Variants in PPFIA2 observed in about 807,000 individuals in gnomAD.
PPFIA2 encodes the protein liprin-alpha-2.
PPFIA2 carries 46 observed loss-of-function variants against 175.5 expected under a neutral mutation model. The observed-to-expected ratio is 0.26, with a 90% CI of 0.21 to 0.34. PPFIA2 has a LOEUF of 0.34. PPFIA2 is among the 10% of genes least tolerant of loss of function. The pLI is 1.00. For missense variants in PPFIA2, 1,179 were observed against 1,506.1 expected, an observed-to-expected ratio of 0.78 and a Z score of 3.60; for synonymous variants, 568 against 511.4, an observed-to-expected ratio of 1.11 and a Z score of -1.49.
At chr12:81,735,813 A>G (rs908380561) in intron 3 of PPFIA2, among the ~76,000 whole-genome samples, 6 of 151,878 alleles carry the variant, frequency 4.0e-5, no homozygotes, top group Non-Finnish European at 5.9e-5. Context: ...ATAGCCAATC[A>G]TCCTAGCCTA....
At chr12:81,429,444 A>G (rs2047716817) in intron 7 of PPFIA2, among the ~76,000 whole-genome samples, 1 of 152,038 alleles carries the variant, frequency 6.6e-6, no homozygotes, top group Non-Finnish European at 1.5e-5. Context: ...TAATTTTTCA[A>G]ATAAACGATC....
chr12:81,608,516 T>C (rs1430816760), intron 4 of PPFIA2, among the ~76,000 whole-genome samples: 1 of 152,116 alleles, frequency 6.6e-6, no homozygotes, highest in Non-Finnish European at 1.5e-5. Flanking sequence ...CCTGATTCAA[T>C]CTTGGGAAAT....
intron 8 of PPFIA2, among the ~76,000 whole-genome samples, chr12:81,397,971 T>C (rs750740321): frequency 2.0e-5 from 3 of 151,972 alleles, no homozygotes; most frequent in Non-Finnish European, 4.4e-5. Flanking sequence ...GACAGGACCA[T>C]CTAGTTGCAG....
intron 5 of PPFIA2, among the ~76,000 whole-genome samples, chr12:81,449,497 A>C (rs1566881517): frequency 6.6e-6 from 1 of 151,888 alleles, no homozygotes; most frequent in African/African-American, 2.4e-5. Flanking sequence ...ACAAAAAAAA[A>C]AAAACAAAAA....
At chr12:81,590,167 G>A (rs2058507523) in intron 4 of PPFIA2, among the ~76,000 whole-genome samples, 1 of 152,070 alleles carries the variant, frequency 6.6e-6, no homozygotes, top group Non-Finnish European at 1.5e-5. Flanking sequence ...TTGCAGCTAA[G>A]AGGTATTTTG....
At chr12:81,277,485 G>A in intron 27 of PPFIA2, 71 bp from the exon 28 acceptor site, 1 of 1,413,026 alleles carries the variant, frequency 7.1e-7, no homozygotes, top group Non-Finnish European at 9.2e-7. Flanking sequence ...TTTGTGATTA[G>A]CCATAGTCAA....
chr12:81,546,246 C>A (rs1184598655), intron 4 of PPFIA2: 1 of 151,928 alleles, frequency 6.6e-6, no homozygotes, highest in Non-Finnish European at 1.5e-5. Context: ...TTCCAAGCCA[C>A]AGGAACCTCT....
chr12:81,660,911 G>T (rs1037803964), intron 4 of PPFIA2, among the ~76,000 whole-genome samples: 2 of 152,106 alleles, frequency 1.3e-5, no homozygotes, highest in African/African-American at 4.8e-5. Context: ...TTAAAGAAAA[G>T]AATTTTCAAC....
At chr12:81,705,083 T>TAG (rs2076952329) in intron 3 of PPFIA2, among the ~76,000 whole-genome samples, 1 of 32,356 alleles carries the variant, frequency 3.1e-5, no homozygotes, top group Non-Finnish European at 5.1e-5. Context: ...AAACTCTGTC[T>TAG]AAAAAAAAAA....
At position 81,284,230 on chromosome 12, in the gene PPFIA2, T is replaced by C. The variant is rs112551088; in HGVS notation, c.2988+11A>G. 6.4e-7 allele frequency: 1 copy of C among 1,561,720 alleles called. No homozygotes were observed. Among genetic ancestry groups the C allele is most frequent in the East Asian group, 2.2e-5 (1 of 44,488 alleles). On this transcript the variant is annotated intron_variant, in intron 25 of 32. Coordinates refer to ENST00000549396, the MANE Select transcript of PPFIA2 (RefSeq NM_003625.5). ...CTTTCCTTCAGGTTCAACAAAGCCA[T>C]TAAGACTAACCGTTTTTGCTGGAGC...
At chr12:81,355,638 A>T (rs1469524143) in intron 16 of PPFIA2, among the ~76,000 whole-genome samples, 1 of 152,178 alleles carries the variant, frequency 6.6e-6, no homozygotes, top group Non-Finnish European at 1.5e-5. Flanking sequence ...ATAACTTTTA[A>T]CAGCTTCTCC....
At chr12:81,654,050 C>CA (rs1022116519) in intron 4 of PPFIA2, among the ~76,000 whole-genome samples, 1 of 147,028 alleles carries the variant, frequency 6.8e-6, no homozygotes, top group Admixed American at 6.8e-5. Context: ...GGCATATACT[C>CA]AAAAAAAGCC....
intron 8 of PPFIA2, among the ~76,000 whole-genome samples, chr12:81,396,694 T>C (rs1382663645): frequency 6.6e-6 from 1 of 152,090 alleles, no homozygotes; most frequent in African/African-American, 2.4e-5. Context: ...AATATATCCA[T>C]AGACATTTTT....
At chr12:81,466,536 G>A (rs1467205675) in intron 4 of PPFIA2, among the ~76,000 whole-genome samples, 3 of 152,082 alleles carry the variant, frequency 2.0e-5, no homozygotes, top group Non-Finnish European at 4.4e-5. Flanking sequence ...CTACTGAAAC[G>A]TACCTATCTT....
At position 81,758,445 on chromosome 12, in the gene PPFIA2, A is replaced by T. The variant is rs150968064; in HGVS notation, c.-48T>A. ...TCCTTGCTTCTTCAATTGATCAATGACAACCGCAGTCTCCGGCTTGAGGAG... is the reference window on the plus strand; with the variant it reads ...TCCTTGCTTCTTCAATTGATCAATGTCAACCGCAGTCTCCGGCTTGAGGAG... On this transcript the variant is annotated 5_prime_UTR_variant, in exon 2 of 33. Coordinates refer to ENST00000549396, the MANE Select transcript of PPFIA2 (RefSeq NM_003625.5). 21 of 456,640 alleles carry T rather than the reference A, an allele frequency of 4.6e-5. No homozygotes were observed. The highest frequency in any genetic ancestry group is 3.4e-4 in the African/African-American group (17 of 50,182). 28.3% of individuals were successfully genotyped at this position (456,640 alleles called of 1,614,324 possible).
chr12:81,325,911 A>G, intron 21 of PPFIA2, 41 bp from the exon 22 acceptor site: 1 of 1,397,694 alleles, frequency 7.2e-7, no homozygotes, highest in Non-Finnish European at 1.0e-6. Context: ...TATGTTGCAT[A>G]GGTTGTGTCA....
In PPFIA2 at chr12:81,281,415, A is replaced by G; in HGVS notation, c.3054T>C (p.Asp1018=). Residue 1018 remains aspartate (D), a synonymous_variant, in exon 27 of 33, where the codon GAT becomes GAC. Transcript: ENST00000549396. ...PVFLQTLAYG[D]MNHEWIGNEW... is the part of the protein sequence containing the mutation. The stretch of plus-strand genomic sequence containing the variant: ...CATTTCCAATCCACTCATGATTCAT[A>G]TCTCCATAAGCCAGGGTCTGTAGAA... The G allele has an allele frequency of 6.2e-7, 1 of 1,611,492 alleles. No individual in the cohort carries two copies. The highest frequency in any genetic ancestry group is 8.5e-7 in the Non-Finnish European group (1 of 1,178,150).
chr12:81,277,360 T>C lies in PPFIA2; in HGVS notation c.3267A>G (p.Lys1089=). The change falls in exon 28 of 33, where the codon AAA becomes AAG. Residue 1089 remains lysine, a synonymous_variant. Transcript: ENST00000549396. ...MCLKRLNYDR[K]ELERRREASQ... ...TTGCTTCCCGTCTTCTTTCTAGTTCTTTTCTGTCATAATTCAACCTCTTTA... is the reference window on the plus strand; with the variant it reads ...TTGCTTCCCGTCTTCTTTCTAGTTCCTTTCTGTCATAATTCAACCTCTTTA... 6.3e-7 allele frequency: 1 copy of C among 1,575,278 alleles called. No homozygotes were observed. Among genetic ancestry groups the C allele is most frequent in the Non-Finnish European group, 8.6e-7 (1 of 1,159,646 alleles).
chr12:81,369,349 T>C, intron 11 of PPFIA2, 155 bp from the exon 12 acceptor site: 2 of 1,482,818 alleles, frequency 1.3e-6, no homozygotes, highest in Non-Finnish European at 1.8e-6. Context: ...TGAACAGCAT[T>C]GCTTGAAATG....
Sources: allele counts gnomAD v4.1 joint callset (sites outside exome capture counted in the v4.1 genomes callset), GRCh38; gene constraint gnomAD v4.1.1; transcripts MANE v1.5; gene names NCBI Gene and HGNC (gene_info 2026-07-23, HGNC 2026-07-21).